The following PI4KA variants were observed in gnomAD, a reference collection of about 807,000 sequenced individuals.
PI4KA encodes the protein PI4-kinase alpha.
Under a neutral mutation model 271.4 loss-of-function variants are expected in PI4KA, and 122 were observed. The ratio of observed to expected loss-of-function variants is 0.45; its 90% CI spans 0.39 to 0.52. PI4KA has a LOEUF of 0.52. PI4KA is among the 20% of genes least tolerant of loss of function. The probability of loss-of-function intolerance (pLI) is 0.00; values close to 1 mark genes in which losing one functional copy is unlikely to be tolerated. For synonymous variants in PI4KA, 1,041 were observed against 1,078.8 expected, an observed-to-expected ratio of 0.96 and a Z score of 0.69; for missense variants, 1,969 against 2,769.1, an observed-to-expected ratio of 0.71 and a Z score of 6.48.
At chr22:20,779,580 G>A (rs1462976369) in intron 19 of PI4KA, 2 of 1,614,218 alleles carry the variant, frequency 1.2e-6, no homozygotes, top group Non-Finnish European at 1.7e-6. Context: ...CAGTGAAGAC[G>A]ACGACTACAT....
chr22:20,807,993 G>A (rs2147633877), intron 9 of PI4KA, among the ~76,000 whole-genome samples: 1 of 152,056 alleles, frequency 6.6e-6, no homozygotes, highest in Non-Finnish European at 1.5e-5. Flanking sequence ...AATGAGTTAA[G>A]AAAGATAATA....
chr22:20,774,742 CAG>C (rs1230533935), intron 19 of PI4KA, among the ~76,000 whole-genome samples: 1 of 131,908 alleles, frequency 7.6e-6, no homozygotes, highest in Non-Finnish European at 1.6e-5. Context: ...GCCTGGACAA[CAG>C]AGTTAGACTC....
intron 32 of PI4KA, among the ~76,000 whole-genome samples, chr22:20,739,443 G>T (rs1234555273): frequency 6.6e-6 from 1 of 150,468 alleles, no homozygotes; most frequent in Non-Finnish European, 1.5e-5. Flanking sequence ...ACGTCAGCCT[G>T]GGCAACATAG....
intron 29 of PI4KA, chr22:20,747,365 A>G (rs923353067): frequency 5.6e-5 from 21 of 373,684 alleles, no homozygotes; most frequent in Non-Finnish European, 9.3e-5. Context: ...CATAAATTTA[A>G]AAAAAAAAAA....
chr22:20,803,199 T>C lies in PI4KA; in HGVS notation c.1583A>G (p.Tyr528Cys), dbSNP rs750384626. The C allele has an allele frequency of 2.5e-6, 4 of 1,614,002 alleles. No homozygotes were observed. Among genetic ancestry groups the C allele is most frequent in the Non-Finnish European group, 3.4e-6 (4 of 1,179,966 alleles). ...ACATAGTCTGTTATTACCTGTGTGG[T>C]ACTGACTGTGGTACTTGTAGAGCTT... is the stretch of plus-strand genomic sequence containing the variant. ...LVKLYKYHSQ[Y>C]HTVAGNDIKI... The change falls in exon 13 of 55, where the codon TAC becomes TGC. Residue 528 changes from tyrosine (Y) to cysteine (C), a missense_variant. Physicochemically the swap from Tyr to Cys is radical, Grantham distance 194. Around this residue, in one of 13 missense-constraint regions of PI4KA, gnomAD observed 228 missense variants for 261.6 expected, o/e 0.87. Transcript: ENST00000255882.
rs1348130669 is a variant in PI4KA, at chr22:20,722,465, T to TTA, written c.4996-1049_4996-1048dup. Reference sequence around the variant, plus strand: ...ACCTCCCAAAGTGCTGGAATTACAGTTATGAGCCACCGCACCTGGCCAGGA... The same window carrying TTA: ...ACCTCCCAAAGTGCTGGAATTACAGTTATATGAGCCACCGCACCTGGCCAGGA... On this transcript the variant is annotated intron_variant, in intron 42 of 54. Coordinates refer to ENST00000255882, the MANE Select transcript of PI4KA (RefSeq NM_058004.4). Among the ~76,000 whole-genome samples the TTA allele has an allele frequency of 4.0e-5, 6 of 151,730 alleles. No individual in the cohort carries two copies. In the East Asian group the frequency reaches 1.2e-3, roughly 29 times the overall value.
intron 19 of PI4KA, among the ~76,000 whole-genome samples, chr22:20,767,349 C>T (rs572638520): frequency 5.9e-5 from 9 of 151,906 alleles, no homozygotes; most frequent in African/African-American, 2.2e-4. Flanking sequence ...GAGGCTGAGG[C>T]AGGAGAATGG....
intron 23 of PI4KA, among the ~76,000 whole-genome samples, chr22:20,758,453 TC>T (rs1443745381): frequency 5.4e-5 from 7 of 129,814 alleles, no homozygotes; most frequent in African/African-American, 2.1e-4. Context: ...GATTTTTCTT[TC>T]TTTTCTTTTT....
intron 19 of PI4KA, among the ~76,000 whole-genome samples, chr22:20,781,424 T>C (rs1933789403): frequency 6.6e-6 from 1 of 152,256 alleles, no homozygotes. Flanking sequence ...CAGTGCTTTC[T>C]GCTAGTTAGC....
chr22:20,749,547 G>A (rs928525007), intron 28 of PI4KA, among the ~76,000 whole-genome samples: 3 of 152,254 alleles, frequency 2.0e-5, no homozygotes, highest in African/African-American at 7.2e-5. Flanking sequence ...CTGCCTTTGG[G>A]CACAGGTGCC....
chr22:20,840,027 C>A (rs760096008), intron 1 of PI4KA, among the ~76,000 whole-genome samples: 8 of 152,184 alleles, frequency 5.3e-5, no homozygotes, highest in Non-Finnish European at 8.8e-5. Flanking sequence ...CTATCAAAGC[C>A]TATGTACTTT....
chr22:20,799,332 G>T, intron 15 of PI4KA, 56 bp from the exon 16 acceptor site: 1 of 1,426,514 alleles, frequency 7.0e-7, no homozygotes. Context: ...ATGCAGTAGT[G>T]AAACAGTACC....
At chr22:20,844,358 T>C (rs981436460) in intron 1 of PI4KA, among the ~76,000 whole-genome samples, 10 of 152,166 alleles carry the variant, frequency 6.6e-5, no homozygotes, top group African/African-American at 2.2e-4. Context: ...ACTGTGATAA[T>C]TGTCATATAG....
Position 20,747,476 on chromosome 22 carries a change from T to C in PI4KA, c.3363+107A>G, listed in dbSNP as rs150118832. The C allele has an allele frequency of 1.9e-4, 228 of 1,192,056 alleles. No homozygotes were observed. In the African/African-American group the frequency reaches 2.9e-3, roughly 15 times the overall value. 73.8% of individuals were successfully genotyped at this position (1,192,056 alleles called of 1,614,324 possible). On this transcript the variant is annotated intron_variant, in intron 29 of 54. Coordinates refer to ENST00000255882, the MANE Select transcript of PI4KA (RefSeq NM_058004.4). ...CAACAGACATCCACAGCACCCTGCA[T>C]GTACTCATGTGCGTCATGAAAAGCG...
intron 19 of PI4KA, among the ~76,000 whole-genome samples, chr22:20,791,744 T>G (rs1341242354): frequency 6.6e-6 from 1 of 152,022 alleles, no homozygotes; most frequent in East Asian, 1.9e-4. Flanking sequence ...GGTGCCAGAA[T>G]GAGACCCTGT....
chr22:20,801,379 T>A (rs1601529424), intron 14 of PI4KA, among the ~76,000 whole-genome samples: 1 of 143,198 alleles, frequency 7.0e-6, no homozygotes, highest in African/African-American at 2.6e-5. Flanking sequence ...AGGTCACAAG[T>A]TTGAGACCAG....
intron 36 of PI4KA, among the ~76,000 whole-genome samples, chr22:20,730,518 A>G (rs574838202): frequency 1.3e-5 from 2 of 151,770 alleles, no homozygotes; most frequent in African/African-American, 2.4e-5. Context: ...CAGGTGATCC[A>G]CCCACCTCGG....
intron 32 of PI4KA, among the ~76,000 whole-genome samples, chr22:20,737,882 C>T (rs9612832): frequency 0.41 from 62,304 of 152,006 alleles, 13,224 homozygotes; most frequent in African/African-American, 0.49. Flanking sequence ...CCACCCGCCT[C>T]GGCCTCCCAA....
At chr22:20,751,528 C>A in intron 26 of PI4KA, 146 bp downstream of exon 26, 1 of 931,632 alleles carries the variant, frequency 1.1e-6, no homozygotes, top group Non-Finnish European at 1.7e-6. Flanking sequence ...GATTTGGGCC[C>A]CCTCACCCCC....
Sources: allele counts gnomAD v4.1 joint callset (sites outside exome capture counted in the v4.1 genomes callset), GRCh38; gene constraint gnomAD v4.1.1; regional missense constraint gnomAD v4.1.1; transcripts MANE v1.5; gene names NCBI Gene and HGNC (gene_info 2026-07-23, HGNC 2026-07-21).